Variants in GNG2 observed in about 807,000 individuals in gnomAD.
GNG2 encodes the protein guanine nucleotide-binding protein G(I)/G(S)/G(O) subunit gamma-2.
GNG2 carries 5 observed loss-of-function variants against 5.5 expected under a neutral mutation model. The ratio of observed to expected loss-of-function variants is 0.91; its 90% CI spans 0.48 to 1.92. The LOEUF (loss-of-function observed/expected upper bound fraction) is 1.92, where lower values mean the gene tolerates loss of function less well. Ranked by LOEUF, GNG2 falls within the 30% of genes most tolerant of loss-of-function variation. The probability of loss-of-function intolerance (pLI) is 0.01; values close to 1 mark genes in which losing one functional copy is unlikely to be tolerated. For synonymous variants in GNG2, 28 were observed against 32.0 expected (o/e 0.88, Z 0.42); for missense variants, 55 against 88.4 (o/e 0.62, Z 1.52).
intron 2 of GNG2, among the ~76,000 whole-genome samples, chr14:51,930,860 G>A (rs1887616460): frequency 6.6e-6 from 1 of 152,158 alleles, no homozygotes; most frequent in South Asian, 2.1e-4. Context: ...GAAGAGAGAA[G>A]ACAGAGAGGA....
chr14:51,870,291 G>T (rs1418806924), intron 1 of GNG2, among the ~76,000 whole-genome samples: 11 of 151,838 alleles, frequency 7.2e-5, no homozygotes, highest in African/African-American at 2.7e-4. Context: ...CAATGATCTA[G>T]GTAGGCCAGA....
chr14:51,946,196 T>G (rs1038062916), intron 2 of GNG2, among the ~76,000 whole-genome samples: 2 of 152,178 alleles, frequency 1.3e-5, no homozygotes, highest in Non-Finnish European at 2.9e-5. Context: ...CTTCAGAAAA[T>G]TATGATCCAG....
intron 2 of GNG2, among the ~76,000 whole-genome samples, chr14:51,942,589 C>CTTTCTTTCTTTCTTTCTTTCTTTCTT (rs761049973): frequency 1.2e-5 from 1 of 81,128 alleles, no homozygotes; most frequent in African/African-American, 5.9e-5. Context: ...TTCTTTCTTT[C>CTTTCTTTCTTTCTTTCTTTCTTTCTT]TTTTTTTTTT....
At chr14:51,936,952 A>G (rs1888042878) in intron 2 of GNG2, among the ~76,000 whole-genome samples, 1 of 152,116 alleles carries the variant, frequency 6.6e-6, no homozygotes, top group African/African-American at 2.4e-5. Context: ...AGCTCCTTTC[A>G]CCCAAATAAA....
At chr14:51,834,410 A>C (rs986724025) in intron 2 of GNG2, among the ~76,000 whole-genome samples, 1 of 152,206 alleles carries the variant, frequency 6.6e-6, no homozygotes, top group Non-Finnish European at 1.5e-5. Flanking sequence ...AGCCACATGG[A>C]AATGAGGCCT....
At position 51,948,531 on chromosome 14, in the gene GNG2, G is replaced by A. The variant is rs552332973; in HGVS notation, c.-29-2119G>A. 2.0e-5 allele frequency among the ~76,000 whole-genome samples: 3 copies of A among 152,298 alleles called. No individual in the cohort carries two copies. The East Asian group carries it at 5.8e-4, about 29-fold the overall frequency. ...CAATATTGGATGAATAGAAGAGTTAGGCTACCCTTCTGAATAAGTCAATGC... is the reference window on the plus strand; with the variant it reads ...CAATATTGGATGAATAGAAGAGTTAAGCTACCCTTCTGAATAAGTCAATGC... On this transcript the variant is annotated intron_variant, in intron 2 of 3. Transcript: ENST00000556766.
At chr14:51,885,614 C>CT (rs1884403444) in intron 2 of GNG2, among the ~76,000 whole-genome samples, 1 of 151,972 alleles carries the variant, frequency 6.6e-6, no homozygotes, top group South Asian at 2.1e-4. Flanking sequence ...CACACACCCC[C>CT]GCCCCCAAAC....
At chr14:51,885,212 A>G (rs1884366121) in intron 2 of GNG2, among the ~76,000 whole-genome samples, 1 of 152,226 alleles carries the variant, frequency 6.6e-6, no homozygotes, top group South Asian at 2.1e-4. Context: ...AATGGAGGTT[A>G]TAATATTCAC....
At chr14:51,938,559 C>T (rs1272082674) in intron 2 of GNG2, among the ~76,000 whole-genome samples, 1 of 152,230 alleles carries the variant, frequency 6.6e-6, no homozygotes, top group Admixed American at 6.5e-5. Context: ...CATTTTCTCA[C>T]TGTAAAACAG....
intron 2 of GNG2, among the ~76,000 whole-genome samples, chr14:51,829,792 T>A (rs894842461): frequency 7.2e-5 from 11 of 151,834 alleles, no homozygotes; most frequent in Non-Finnish European, 1.5e-4. Flanking sequence ...TGTTCAGTTC[T>A]CAGTGTTTAT....
intron 2 of GNG2, among the ~76,000 whole-genome samples, chr14:51,836,113 C>T (rs958064273): frequency 6.6e-6 from 1 of 151,700 alleles, no homozygotes; most frequent in Non-Finnish European, 1.5e-5. Context: ...GCTGTCTTCT[C>T]ATTGTACCTT....
intron 2 of GNG2, among the ~76,000 whole-genome samples, chr14:51,941,150 T>C (rs2140265131): frequency 6.6e-6 from 1 of 152,234 alleles, no homozygotes; most frequent in Admixed American, 6.5e-5. Context: ...CAGAATAAAT[T>C]AGAGTAAGGA....
At chr14:51,863,136 C>A (rs1285224968) in intron 1 of GNG2, among the ~76,000 whole-genome samples, 1 of 152,184 alleles carries the variant, frequency 6.6e-6, no homozygotes, top group Admixed American at 6.5e-5. Context: ...GCAGGCCCAA[C>A]TTTTAAGTCT....
At chr14:51,851,527 T>C in intron 2 of GNG2, among the ~76,000 whole-genome samples, 1 of 152,228 alleles carries the variant, frequency 6.6e-6, no homozygotes, top group East Asian at 1.9e-4. Flanking sequence ...GTGCTTACTG[T>C]ATATCAGGCA....
intron 2 of GNG2, among the ~76,000 whole-genome samples, chr14:51,832,855 G>A (rs1323945402): frequency 6.6e-6 from 1 of 152,068 alleles, no homozygotes; most frequent in Non-Finnish European, 1.5e-5. Context: ...CAAATTAAGG[G>A]GTTTTAGACA....
chr14:51,835,061 G>A (rs1220767097), intron 2 of GNG2, among the ~76,000 whole-genome samples: 2 of 152,322 alleles, frequency 1.3e-5, no homozygotes, highest in East Asian at 1.9e-4. Flanking sequence ...GCTCCAGAGA[G>A]TGGCTCAGCT....
At chr14:51,926,711 T>C (rs1447959959) in intron 2 of GNG2, among the ~76,000 whole-genome samples, 1 of 152,200 alleles carries the variant, frequency 6.6e-6, no homozygotes, top group African/African-American at 2.4e-5. Context: ...GGATTCAGTC[T>C]GTGAGAATGG....
At chr14:51,836,353 CTAGAT>C (rs1881332946) in intron 2 of GNG2, among the ~76,000 whole-genome samples, 1 of 152,060 alleles carries the variant, frequency 6.6e-6, no homozygotes. Context: ...AGGGAAAGCA[CTAGAT>C]TTGGAAGTGG....
intron 3 of GNG2, among the ~76,000 whole-genome samples, chr14:51,964,448 G>T (rs1050759520): frequency 1.3e-5 from 2 of 152,224 alleles, no homozygotes; most frequent in African/African-American, 4.8e-5. Context: ...GGTAGTAACA[G>T]AAGGTGCCCT....
Sources: gnomAD v4.1 joint callset for allele counts (sites outside exome capture counted in the v4.1 genomes callset) on GRCh38, gnomAD v4.1.1 for gene constraint, MANE v1.5 for transcripts, NCBI Gene and HGNC (gene_info 2026-07-23, HGNC 2026-07-21) for gene names.